ALG12: variants seen among roughly 807,000 people sequenced by gnomAD.
ALG12 encodes the protein dol-P-Man:Man(7)GlcNAc(2)-PP-Dol alpha-1,6-mannosyltransferase.
A neutral mutation model predicts 46.0 loss-of-function variants in ALG12; 36 were observed. The ratio of observed to expected loss-of-function variants is 0.78; its 90% confidence interval spans 0.60 to 1.03. The LOEUF (loss-of-function observed/expected upper bound fraction) is 1.03, where lower values mean the gene tolerates loss of function less well. Among genes scored for constraint, ALG12 ranks in the 50% least tolerant of loss-of-function variants. ALG12 has a pLI of 0.00. For synonymous variants in ALG12, 326 were observed against 291.6 expected (o/e 1.12, Z -1.20); for missense variants, 599 against 633.5 (o/e 0.95, Z 0.58).
At chr22:49,886,235 A>T in the ALG12 span, 1 of 943,488 alleles carries the variant, frequency 1.1e-6, no homozygotes, top group Non-Finnish European at 1.7e-6. The surrounding 1 kb of genome is among the most constrained non-coding windows in gnomAD (Gnocchi z 7.7). Flanking sequence ...AAGATCTGCG[A>T]GCGGGTGCAC....
At chr22:49,880,382 CGT>C in the ALG12 span, among the ~76,000 whole-genome samples, 1 of 152,248 alleles carries the variant, frequency 6.6e-6, no homozygotes, top group Non-Finnish European at 1.5e-5. Flanking sequence ...CGCAGGTCTG[CGT>C]AGCTCCCTCC....
the ALG12 span, among the ~76,000 whole-genome samples, chr22:49,874,889 G>T: frequency 6.6e-6 from 1 of 151,612 alleles, no homozygotes; most frequent in Non-Finnish European, 1.5e-5. Flanking sequence ...CACCATGTTG[G>T]CCAGGCTGGT....
At chr22:49,891,470 G>T in the ALG12 span, among the ~76,000 whole-genome samples, 8,531 of 152,240 alleles carry the variant, frequency 0.056, 641 homozygotes, top group African/African-American at 0.17. Context: ...CTTGCAAATT[G>T]ATGTGGATGG....
intron 3 of ALG12, among the ~76,000 whole-genome samples, 160 bp from the exon 4 acceptor site, chr22:49,910,767 G>A (rs897177938): frequency 2.6e-5 from 4 of 152,334 alleles, no homozygotes; most frequent in Middle Eastern, 3.4e-3. Context: ...TGAGGGCATC[G>A]TCTCCATGTT....
rs948115369 is a variant in ALG12, at chr22:49,908,668, C to T, written c.768+576G>A. Reference sequence around the variant, plus strand: ...AAGCACTTTTTAAATGCAGATTGTCCGGGCCGGGCGTGGTGGCTCACACCT... The same window carrying T: ...AAGCACTTTTTAAATGCAGATTGTCTGGGCCGGGCGTGGTGGCTCACACCT... On this transcript the variant is annotated intron_variant, in intron 6 of 9. Transcript: ENST00000330817. Among the ~76,000 whole-genome samples the T allele has an allele frequency of 2.5e-4, 36 of 145,232 alleles. 5 individuals carry two copies. The highest frequency in any genetic ancestry group is 6.9e-4 in the African/African-American group (26 of 37,424).
chr22:49,885,365 C>G, the ALG12 span: 18 of 1,588,110 alleles, frequency 1.1e-5, no homozygotes, highest in Non-Finnish European at 1.5e-5. Flanking sequence ...AATCATTTTT[C>G]TATTTGCTCC....
chr22:49,871,121 A>G, the ALG12 span, among the ~76,000 whole-genome samples: 1 of 30,374 alleles, frequency 3.3e-5, no homozygotes, highest in African/African-American at 1.6e-4. Context: ...ATTTTTTTTT[A>G]GTAGAGATGG....
At chr22:49,880,010 T>G in the ALG12 span, among the ~76,000 whole-genome samples, 1,238 of 151,980 alleles carry the variant, frequency 8.1e-3, 20 homozygotes, top group African/African-American at 0.029. Flanking sequence ...GTTGTTTTTG[T>G]CAGCCATTTT....
the ALG12 span, among the ~76,000 whole-genome samples, chr22:49,873,919 C>T: frequency 2.0e-5 from 3 of 152,172 alleles, no homozygotes; most frequent in African/African-American, 4.8e-5. Flanking sequence ...GGGAATGGGG[C>T]GGCGCTGCCA....
At chr22:49,914,501 G>A (rs1009574688) in intron 1 of ALG12, among the ~76,000 whole-genome samples, 1 of 152,220 alleles carries the variant, frequency 6.6e-6, no homozygotes, top group Non-Finnish European at 1.5e-5. Context: ...TGGGAAGACT[G>A]GCAATGGGTC....
chr22:49,886,926 T>C, the ALG12 span: 1 of 1,614,048 alleles, frequency 6.2e-7, no homozygotes, highest in Non-Finnish European at 8.5e-7. This position sits in a 1 kb window ranked among gnomAD's most constrained non-coding sequence, Gnocchi z 7.7. Context: ...TGCTTGCGTA[T>C]CTGGAGGAGG....
At chr22:49,890,840 C>T in the ALG12 span, among the ~76,000 whole-genome samples, 5 of 152,086 alleles carry the variant, frequency 3.3e-5, no homozygotes, top group African/African-American at 1.2e-4. Flanking sequence ...CATGGTGAAA[C>T]CCCGTCCCGT....
rs1373306965 is a variant in ALG12, at chr22:49,903,047, C to T, written c.*791G>A. The T allele has an allele frequency of 2.9e-6, 1 of 348,616 alleles. No homozygotes were observed. Among genetic ancestry groups the T allele is most frequent in the Non-Finnish European group, 5.6e-6 (1 of 178,988 alleles). The allele number at this position is 348,616 out of a possible 1,614,324, so 21.6% of individuals were successfully genotyped here. On this transcript the variant is annotated 3_prime_UTR_variant, in exon 10 of 10. Coordinates refer to ENST00000330817, the MANE Select transcript of ALG12 (RefSeq NM_024105.4). ...CGTGTGCAGCAGCACCTGGTCCCAT[C>T]TCCAGTGCCCAGCAGCATCACACGC...
At chr22:49,867,949 T>C in the ALG12 span, among the ~76,000 whole-genome samples, 1 of 152,188 alleles carries the variant, frequency 6.6e-6, no homozygotes, top group Non-Finnish European at 1.5e-5. Context: ...GTGTTGAATA[T>C]CTCATGTAAG....
chr22:49,896,975 CAAAAAAA>C (rs138106424), downstream of ALG12, among the ~76,000 whole-genome samples: 7 of 143,890 alleles, frequency 4.9e-5, no homozygotes, highest in African/African-American at 1.8e-4. Context: ...AATTCCCAGT[CAAAAAAA>C]AAAACAATTC....
chr22:49,908,011 C>T, intron 6 of ALG12, 67 bp from the exon 7 acceptor site: 1 of 1,524,734 alleles, frequency 6.6e-7, no homozygotes, highest in Non-Finnish European at 9.0e-7. Flanking sequence ...GTGGCAGGGT[C>T]AAGGTGGAGA....
the ALG12 span, among the ~76,000 whole-genome samples, chr22:49,862,658 G>T: frequency 7.2e-6 from 1 of 139,092 alleles, no homozygotes; most frequent in South Asian, 2.4e-4. Flanking sequence ...TGTTTTGACT[G>T]AACTGAGTAC....
chr22:49,883,853 C>T, the ALG12 span: 17 of 1,607,818 alleles, frequency 1.1e-5, no homozygotes, highest in East Asian at 4.5e-5. Flanking sequence ...CTCGGTGGGA[C>T]GGGTTGCAGC....
chr22:49,883,875 G>A, the ALG12 span: 39 of 1,606,464 alleles, frequency 2.4e-5, no homozygotes, highest in South Asian at 7.7e-5. Context: ...GCAAGCCCCC[G>A]GGGAAGTACT....
Sources: allele counts gnomAD v4.1 joint callset (sites outside exome capture counted in the v4.1 genomes callset), GRCh38; gene constraint gnomAD v4.1.1; non-coding constraint Gnocchi (gnomAD v3.1); transcripts MANE v1.5; gene names NCBI Gene and HGNC (gene_info 2026-07-23, HGNC 2026-07-21).